Variants in FGG observed in about 807,000 individuals in gnomAD.
The protein encoded by FGG is fibrinogen gamma chain.
In FGG, 20 loss-of-function variants were observed where a neutral mutation model predicts 51.7. The observed-to-expected ratio is 0.39, with a 90% CI of 0.27 to 0.56. FGG has a LOEUF of 0.56. FGG is among the 20% of genes least tolerant of loss of function. FGG has a pLI of 0.64. For synonymous variants in FGG, 184 were observed against 184.7 expected (o/e 1.00, Z 0.03); for missense variants, 460 against 534.2 (o/e 0.86, Z 1.37).
At chr4:154,610,941 A>T (rs1011471960) in intron 4 of FGG, among the ~76,000 whole-genome samples, 2 of 152,136 alleles carry the variant, frequency 1.3e-5, no homozygotes, top group African/African-American at 4.8e-5. Flanking sequence ...CTTTGAAGTA[A>T]AAAAGGGTAG....
intron 8 of FGG, 113 bp downstream of exon 8, chr4:154,606,592 A>C: frequency 8.2e-7 from 1 of 1,219,052 alleles, no homozygotes; most frequent in Non-Finnish European, 1.1e-6. Flanking sequence ...GAACATGATA[A>C]AATCCCTACT....
At position 154,608,571 on chromosome 4, in the gene FGG, G is replaced by C; in HGVS notation, c.746C>G (p.Thr249Arg). The change falls in exon 7 of 9, where the codon ACA becomes AGA. Residue 249 changes from threonine to arginine, a missense_variant. Thr to Arg is a moderately conservative substitution (Grantham distance 71). This residue lies in a region of FGG where 353 missense variants were observed against 391.7 expected (regional missense o/e 0.90). Transcript: ENST00000336098. ...EGFGHLSPTG[T>R]TEFWLGNEKI... ...CTCATTTCCCAGCCAAAATTCTGTT[G>C]TGCCAGTAGGAGACAGATGTCCAAA... 6.2e-7 allele frequency: 1 copy of C among 1,613,770 alleles called. No homozygotes were observed. Among genetic ancestry groups the C allele is most frequent in the South Asian group, 1.1e-5 (1 of 91,074 alleles).
chr4:154,612,529 T>TA lies in FGG; in HGVS notation c.78+2dup. The TA allele has an allele frequency of 1.2e-6, 2 of 1,614,018 alleles. No homozygotes were observed. Among genetic ancestry groups the TA allele is most frequent in the East Asian group, 2.2e-5 (1 of 44,886 alleles). The stretch of plus-strand genomic sequence containing the variant: ...AACAACGTTTTGTGAAGAGCACACT[T>TA]ACTGCTACACATGTTGAAGAGAGAA... On this transcript the variant is annotated splice_region_variant and intron_variant, in intron 1 of 8. Transcript: ENST00000336098.
In FGG at chr4:154,608,486, T is replaced by G; in HGVS notation, c.831A>C (p.Glu277Asp). The G allele has an allele frequency of 6.2e-7, 1 of 1,613,602 alleles. No homozygotes were observed. Among genetic ancestry groups the G allele is most frequent in the Non-Finnish European group, 8.5e-7 (1 of 1,179,768 alleles). ...AIPYALRVEL[E>D]DWNGRTSTAD... ...AGTACCTGGTTCTGCCATTCCAGTCTTCCAGTTCCACTCTTAATGCATATG... is the reference window on the plus strand; with the variant it reads ...AGTACCTGGTTCTGCCATTCCAGTCGTCCAGTTCCACTCTTAATGCATATG... The change falls in exon 7 of 9, where the codon GAA (glutamate) becomes GAC (aspartate). Residue 277 changes from glutamate to aspartate, a missense_variant. Around this residue, in one of 3 missense-constraint regions of FGG, gnomAD observed 353 missense variants for 391.7 expected, o/e 0.90. Coordinates refer to ENST00000336098, the MANE Select transcript of FGG (RefSeq NM_021870.3).
chr4:154,607,010 A>G, intron 7 of FGG, 28 bp from the exon 8 acceptor site: 1 of 1,538,680 alleles, frequency 6.5e-7, no homozygotes, highest in South Asian at 1.3e-5. Context: ...CAACCATCAC[A>G]TGCTGACCCT....
At chr4:154,610,576 G>T (rs1163257541) in intron 4 of FGG, among the ~76,000 whole-genome samples, 3 of 152,146 alleles carry the variant, frequency 2.0e-5, no homozygotes, top group African/African-American at 7.2e-5. Flanking sequence ...ATAGCAACCT[G>T]CAAGAGTGGC....
At chr4:154,607,440 G>C (rs891996322) in intron 7 of FGG, among the ~76,000 whole-genome samples, 1 of 152,154 alleles carries the variant, frequency 6.6e-6, no homozygotes, top group African/African-American at 2.4e-5. Flanking sequence ...AGCACCTGAA[G>C]GGTTAGGTGC....
In FGG at chr4:154,604,753, A is replaced by AAT. The variant is rs1339869472; in HGVS notation, c.*79_*80dup. ...CTTAATAGAAGACTTGAAATCAATA[A>AAT]ATATAGTAAGAGAAAAAAGGAAGAA... On this transcript the variant is annotated 3_prime_UTR_variant, in exon 9 of 9. Coordinates refer to ENST00000336098, the MANE Select transcript of FGG (RefSeq NM_021870.3). 1 of 1,597,168 alleles carries AAT rather than the reference A, an allele frequency of 6.3e-7. No homozygotes were observed. Among genetic ancestry groups the AAT allele is most frequent in the African/African-American group, 1.3e-5 (1 of 74,510 alleles).
At position 154,605,047 on chromosome 4, in the gene FGG, T is replaced by C; in HGVS notation, c.1149A>G (p.Ala383=). ...VYYQGGTYSK[A]STPNGYDNGI... ...CATTATCATAACCATTAGGAGTAGA[T>C]GCTTTTGAGTAAGTGCCACCTAAAA... The change falls in exon 9 of 9, where the codon GCA becomes GCG. Residue 383 remains alanine, a synonymous_variant. Coordinates refer to ENST00000336098, the MANE Select transcript of FGG (RefSeq NM_021870.3). The C allele has an allele frequency of 1.2e-6, 2 of 1,614,026 alleles. No individual in the cohort carries two copies. Among genetic ancestry groups the C allele is most frequent in the Non-Finnish European group, 8.5e-7 (1 of 1,179,952 alleles).
chr4:154,604,666 A>T lies in FGG; in HGVS notation c.*168T>A, dbSNP rs768665657. 16 of 1,413,612 alleles carry T rather than the reference A, an allele frequency of 1.1e-5. No individual in the cohort carries two copies. Among genetic ancestry groups the T allele is most frequent in the African/African-American group, 4.3e-5 (3 of 69,268 alleles). The allele number at this position is 1,413,612 out of a possible 1,614,324, so 87.6% of individuals were successfully genotyped here. A position where few individuals can be genotyped will look rare whatever the true frequency, so the allele number is the denominator to read the frequency against. On this transcript the variant is annotated 3_prime_UTR_variant, in exon 9 of 9. Coordinates refer to ENST00000336098, the MANE Select transcript of FGG (RefSeq NM_021870.3). ...AATAAACAATTTTTAAATAACTCTG[A>T]TATCAGTAATTTGGAAATACAGTCC...
chr4:154,604,672 G>C lies in FGG; in HGVS notation c.*162C>G. 1 of 1,423,824 alleles carries C rather than the reference G, an allele frequency of 7.0e-7. No homozygotes were observed. Among genetic ancestry groups the C allele is most frequent in the Non-Finnish European group, 9.2e-7 (1 of 1,089,598 alleles). 88.2% of individuals were successfully genotyped at this position (1,423,824 alleles called of 1,614,324 possible). ...CAATTTTTAAATAACTCTGATATCAGTAATTTGGAAATACAGTCCTAAATG... is the reference window on the plus strand; with the variant it reads ...CAATTTTTAAATAACTCTGATATCACTAATTTGGAAATACAGTCCTAAATG... On this transcript the variant is annotated 3_prime_UTR_variant, in exon 9 of 9. Coordinates refer to ENST00000336098, the MANE Select transcript of FGG (RefSeq NM_021870.3).
intron 6 of FGG, 146 bp downstream of exon 6, chr4:154,609,484 A>T: frequency 1.0e-6 from 1 of 955,586 alleles, no homozygotes; most frequent in Non-Finnish European, 1.6e-6. Flanking sequence ...CCTTTTCTGT[A>T]AATAGGAGTA....
At chr4:154,609,474 C>T (rs1281621488) in intron 6 of FGG, among the ~76,000 whole-genome samples, 156 bp downstream of exon 6, 1 of 152,100 alleles carries the variant, frequency 6.6e-6, no homozygotes, top group Admixed American at 6.6e-5. Flanking sequence ...GCCTCAGTTT[C>T]CTTTTCTGTA....
chr4:154,612,588 G>A lies in FGG; in HGVS notation c.22C>T (p.Arg8Trp), dbSNP rs758812965. Residue 8 changes from arginine to tryptophan, a missense_variant, in exon 1 of 9, where the codon CGG (arginine) becomes TGG (tryptophan). By Grantham distance (101) the Arg-to-Trp change is moderately radical. Coordinates refer to ENST00000336098, the MANE Select transcript of FGG (RefSeq NM_021870.3). MSWSLHP[R>W]NLILYFYALL... is the part of the protein sequence containing the mutation. ...GCATAGAAGTAGAGAATTAAATTCC[G>A]GGGGTGCAAGGACCAACTCATGATG... The A allele has an allele frequency of 2.9e-5, 47 of 1,613,658 alleles. No individual in the cohort carries two copies. Among genetic ancestry groups the A allele is most frequent in the Admixed American group, 1.8e-4 (11 of 59,980 alleles).
At chr4:154,610,554 A>G (rs2066868) in intron 4 of FGG, among the ~76,000 whole-genome samples, 187 of 152,270 alleles carry the variant, frequency 1.2e-3, no homozygotes, top group African/African-American at 4.3e-3. Context: ...CTTTATGCAT[A>G]AGGGACAGCA....
At chr4:154,607,697 G>A (rs1264232330) in intron 7 of FGG, among the ~76,000 whole-genome samples, 1 of 152,238 alleles carries the variant, frequency 6.6e-6, no homozygotes, top group Non-Finnish European at 1.5e-5. Flanking sequence ...TCCAGTGGCT[G>A]GGAAATGGAA....
chr4:154,604,960 T>C lies in FGG; in HGVS notation c.1236A>G (p.Ile412Met). The change falls in exon 9 of 9, where the codon ATA (isoleucine) becomes ATG (methionine). Residue 412 changes from isoleucine to methionine, a missense_variant. Physicochemically the swap from Ile to Met is conservative, Grantham distance 10. Transcript: ENST00000336098. ...CAATTGTGAGTCTGTTGAATGGGAT[T>C]ATCTTCATAGTGGTTTTCTTCATGG... ...WYSMKKTTMKIIPFNRLTIGE... is the reference protein window; with the variant it reads ...WYSMKKTTMKMIPFNRLTIGE... The C allele has an allele frequency of 6.2e-7, 1 of 1,614,118 alleles. No individual in the cohort carries two copies. Among genetic ancestry groups the C allele is most frequent in the Non-Finnish European group, 8.5e-7 (1 of 1,180,004 alleles).
rs114939380 is a variant in FGG, at chr4:154,612,211, T to C, written c.124-10A>G. The C allele has an allele frequency of 6.5e-5, 105 of 1,608,866 alleles. No homozygotes were observed. The highest frequency in any genetic ancestry group is 8.2e-5 in the Non-Finnish European group (96 of 1,177,178). ...TTGGACAATAACTACCCTGAAAATA[T>C]AACAGTGATTAAAAATGTAGACAGA... On this transcript the variant is annotated splice_polypyrimidine_tract_variant and intron_variant, in intron 2 of 8. Coordinates refer to ENST00000336098, the MANE Select transcript of FGG (RefSeq NM_021870.3).
rs184657159 is a variant in FGG at position 154,607,027 on chromosome 4, G to T, written c.852-45C>A. 37 of 1,512,364 alleles carry T rather than the reference G, an allele frequency of 2.4e-5. No homozygotes were observed. In the East Asian group the frequency reaches 3.9e-4, roughly 16 times the overall value. 93.7% of individuals were successfully genotyped at this position (1,512,364 alleles called of 1,614,324 possible). On this transcript the variant is annotated intron_variant, in intron 7 of 8. Transcript: ENST00000336098. ...ACCATCACATGCTGACCCTCCTCAGGGATCTCAGAAGTTCCCTCTTTCGTA... is the reference window on the plus strand; with the variant it reads ...ACCATCACATGCTGACCCTCCTCAGTGATCTCAGAAGTTCCCTCTTTCGTA...
Sources: gnomAD v4.1 joint callset for allele counts (sites outside exome capture counted in the v4.1 genomes callset) on GRCh38, gnomAD v4.1.1 for gene constraint, gnomAD v4.1.1 regional missense constraint, MANE v1.5 for transcripts, NCBI Gene and HGNC (gene_info 2026-07-23, HGNC 2026-07-21) for gene names.